TSPAN9: variants seen among roughly 807,000 people sequenced by gnomAD.
TSPAN9 encodes tetraspanin-9.
A neutral mutation model predicts 31.0 loss-of-function variants in TSPAN9; 16 were observed. The ratio of observed to expected loss-of-function variants is 0.52; its 90% CI spans 0.35 to 0.78. The LOEUF (loss-of-function observed/expected upper bound fraction) is 0.78, where lower values mean the gene tolerates loss of function less well. Among genes scored for constraint, TSPAN9 ranks in the 30% least tolerant of loss-of-function variants. The pLI is 0.01. For missense variants in TSPAN9, 272 were observed against 312.5 expected, an observed-to-expected ratio of 0.87 and a Z score of 0.98; for synonymous variants, 145 against 121.6, an observed-to-expected ratio of 1.19 and a Z score of -1.27.
chr12:3,185,299 T>G (rs1330975527), intron 2 of TSPAN9, among the ~76,000 whole-genome samples: 1 of 152,184 alleles, frequency 6.6e-6, no homozygotes, highest in African/African-American at 2.4e-5. Context: ...TTTTGGTATC[T>G]GTCTCATGTT....
At chr12:3,268,877 C>T (rs1209607867) in intron 3 of TSPAN9, among the ~76,000 whole-genome samples, 7 of 96,580 alleles carry the variant, frequency 7.2e-5, no homozygotes, top group South Asian at 9.4e-4. Flanking sequence ...GCCCTCTGTG[C>T]GTTCCTGCAG....
At chr12:3,213,972 A>C (rs1361739938) in intron 3 of TSPAN9, among the ~76,000 whole-genome samples, 1 of 152,074 alleles carries the variant, frequency 6.6e-6, no homozygotes, top group African/African-American at 2.4e-5. Flanking sequence ...ATGCCAGTTA[A>C]CTCTCGCTTG....
intron 3 of TSPAN9, among the ~76,000 whole-genome samples, chr12:3,249,579 G>T (rs1181795373): frequency 6.6e-6 from 1 of 152,226 alleles, no homozygotes; most frequent in Non-Finnish European, 1.5e-5. Context: ...ACGTTCCTGA[G>T]GGCCGAGCCC....
chr12:3,186,643 T>G (rs1162239138), intron 2 of TSPAN9, among the ~76,000 whole-genome samples: 1 of 151,512 alleles, frequency 6.6e-6, no homozygotes, highest in East Asian at 1.9e-4. Context: ...CATTAGGGGG[T>G]TTTGCACAGA....
intron 3 of TSPAN9, among the ~76,000 whole-genome samples, chr12:3,274,514 G>T (rs1168717676): frequency 6.6e-6 from 1 of 152,210 alleles, no homozygotes; most frequent in Non-Finnish European, 1.5e-5. Context: ...CATGGGACCT[G>T]TGGCGAAGGC....
intron 2 of TSPAN9, among the ~76,000 whole-genome samples, chr12:3,116,484 A>G (rs1266754131): frequency 6.6e-6 from 1 of 152,172 alleles, no homozygotes; most frequent in Non-Finnish European, 1.5e-5. Flanking sequence ...CACTTAGAAT[A>G]AACGATACTC....
intron 2 of TSPAN9, among the ~76,000 whole-genome samples, chr12:3,106,285 CT>C (rs1201731991): frequency 6.6e-6 from 1 of 152,240 alleles, no homozygotes; most frequent in African/African-American, 2.4e-5. Flanking sequence ...ACAATAATGG[CT>C]TTTAGCTTAC....
At chr12:3,214,100 C>T (rs1472971238) in intron 3 of TSPAN9, among the ~76,000 whole-genome samples, 6 of 152,230 alleles carry the variant, frequency 3.9e-5, no homozygotes, top group African/African-American at 1.4e-4. Context: ...CTGCTTCTGT[C>T]TCTGGGCCTC....
Position 3,102,347 on chromosome 12 carries a change from C to T in TSPAN9, c.-18+18628C>T, listed in dbSNP as rs189492625. 2.3e-4 allele frequency among the ~76,000 whole-genome samples: 35 copies of T among 151,880 alleles called. No homozygotes were observed. In the East Asian group the frequency reaches 5.6e-3, roughly 24 times the overall value. ...CTTGCTATTTTGCCCAGGCTGGTCT[C>T]GAACTCCTGGCCTGAAGTGATCCTT... is the stretch of plus-strand genomic sequence containing the variant. On this transcript the variant is annotated intron_variant, in intron 2 of 8. Coordinates refer to ENST00000011898, the MANE Select transcript of TSPAN9 (RefSeq NM_006675.5).
chr12:3,269,037 CCT>C (rs1862611565), intron 3 of TSPAN9, among the ~76,000 whole-genome samples: 1 of 25,320 alleles, frequency 3.9e-5, no homozygotes, highest in Non-Finnish European at 8.1e-5. Flanking sequence ...GCCTGCCCTC[CCT>C]GTGTTCCTGC....
chr12:3,210,991 C>T (rs1280569923), intron 3 of TSPAN9, among the ~76,000 whole-genome samples: 1 of 152,200 alleles, frequency 6.6e-6, no homozygotes, highest in Non-Finnish European at 1.5e-5. Context: ...AGCAATCCTT[C>T]TGCCTCGGCC....
chr12:3,090,943 C>T (rs1234534650), intron 2 of TSPAN9, among the ~76,000 whole-genome samples: 2 of 152,222 alleles, frequency 1.3e-5, no homozygotes, highest in East Asian at 3.9e-4. Context: ...GAAGTGGAGT[C>T]AGTGTGTTGT....
At chr12:3,140,673 G>A (rs978607897) in intron 2 of TSPAN9, among the ~76,000 whole-genome samples, 2 of 152,122 alleles carry the variant, frequency 1.3e-5, no homozygotes, top group African/African-American at 4.8e-5. Flanking sequence ...AGGAAGATTT[G>A]TAGTTTGGTG....
intron 2 of TSPAN9, among the ~76,000 whole-genome samples, chr12:3,090,218 C>T (rs1162348949): frequency 6.1e-5 from 8 of 130,556 alleles, no homozygotes; most frequent in Non-Finnish European, 1.2e-4. Context: ...TTATTCTTTT[C>T]CGTAGTTGGC....
intron 2 of TSPAN9, among the ~76,000 whole-genome samples, chr12:3,114,425 T>C (rs1327607467): frequency 6.6e-6 from 1 of 152,206 alleles, no homozygotes; most frequent in Non-Finnish European, 1.5e-5. Flanking sequence ...TGTAGGGCAG[T>C]GCGTGGTGTA....
In TSPAN9 at chr12:3,281,725, G is replaced by C. The variant is rs748945080; in HGVS notation, c.565-9G>C. On this transcript the variant is annotated splice_polypyrimidine_tract_variant and intron_variant, in intron 7 of 8. Coordinates refer to ENST00000011898, the MANE Select transcript of TSPAN9 (RefSeq NM_006675.5). The stretch of plus-strand genomic sequence containing the variant: ...CTGGGACCCTAACCTCGTGGGCCTC[G>C]CTCCCCAGGGCTGCTATGAAAAGGT... 1 of 1,608,312 alleles carries C rather than the reference G, an allele frequency of 6.2e-7. No homozygotes were observed. The highest frequency in any genetic ancestry group is 1.7e-5 in the Admixed American group (1 of 59,920).
intron 3 of TSPAN9, among the ~76,000 whole-genome samples, chr12:3,216,141 C>G (rs1271640443): frequency 6.6e-6 from 1 of 152,212 alleles, no homozygotes; most frequent in East Asian, 1.9e-4. Flanking sequence ...ATCCCCACCC[C>G]ACCCCCACCC....
intron 3 of TSPAN9, among the ~76,000 whole-genome samples, chr12:3,235,504 T>A (rs939371270): frequency 5.9e-5 from 9 of 151,834 alleles, no homozygotes; most frequent in African/African-American, 2.2e-4. Flanking sequence ...GTTGAGAGGA[T>A]CAGAGGAGAT....
chr12:3,208,462 C>T lies in TSPAN9; in HGVS notation c.63+7206C>T, dbSNP rs374611620. ...GGGCAGCTCCACATACTTCTTCTGC[C>T]TCCCTTTGTCCTAGGGGTGACAAGT... On this transcript the variant is annotated intron_variant, in intron 3 of 8. Coordinates refer to ENST00000011898, the MANE Select transcript of TSPAN9 (RefSeq NM_006675.5). 1.4e-4 allele frequency among the ~76,000 whole-genome samples: 22 copies of T among 152,354 alleles called. No homozygotes were observed. In the Middle Eastern group the frequency reaches 0.02, roughly 141 times the overall value.
Sources: gnomAD v4.1 joint callset for allele counts (sites outside exome capture counted in the v4.1 genomes callset) on GRCh38, gnomAD v4.1.1 for gene constraint, MANE v1.5 for transcripts, NCBI Gene and HGNC (gene_info 2026-07-23, HGNC 2026-07-21) for gene names.